OPCML: variants seen among roughly 807,000 people sequenced by gnomAD.
The protein encoded by OPCML is opioid binding protein/cell adhesion molecule like.
A neutral mutation model predicts 37.8 loss-of-function variants in OPCML; 13 were observed. The observed-to-expected ratio is 0.34, with a 90% CI of 0.22 to 0.55. The LOEUF is 0.55. OPCML is among the 20% of genes least tolerant of loss of function. The probability of loss-of-function intolerance (pLI) is 0.91; values close to 1 mark genes in which losing one functional copy is unlikely to be tolerated. For missense variants in OPCML, 341 were observed against 435.6 expected (o/e 0.78, Z 1.93); for synonymous variants, 176 against 168.8 (o/e 1.04, Z -0.33).
intron 2 of OPCML, among the ~76,000 whole-genome samples, chr11:132,817,766 CA>C (rs1409277811): frequency 8.0e-4 from 114 of 143,012 alleles, no homozygotes; most frequent in East Asian, 1.0e-3. Flanking sequence ...CCTCCCCCGC[CA>C]AAAAAAAAAT....
intron 2 of OPCML, among the ~76,000 whole-genome samples, chr11:132,763,350 T>C (rs1365605725): frequency 2.0e-5 from 3 of 152,194 alleles, no homozygotes; most frequent in Non-Finnish European, 4.4e-5. Context: ...GTAATAGTAC[T>C]AATTATACAT....
At chr11:132,880,006 G>C (rs1194821426) in intron 2 of OPCML, among the ~76,000 whole-genome samples, 1 of 152,116 alleles carries the variant, frequency 6.6e-6, no homozygotes, top group East Asian at 1.9e-4. Context: ...CAGCCCCAGA[G>C]GTGTAATCGG....
chr11:133,241,775 T>C (rs1412665692), intron 1 of OPCML, among the ~76,000 whole-genome samples: 1 of 152,220 alleles, frequency 6.6e-6, no homozygotes. Flanking sequence ...TCATCTCCCA[T>C]GGTTCACCAC....
At chr11:133,488,929 T>G (rs1233822320) in intron 1 of OPCML, among the ~76,000 whole-genome samples, 1 of 109,146 alleles carries the variant, frequency 9.2e-6, no homozygotes, top group African/African-American at 3.6e-5. Context: ...AAAAGCCATG[T>G]ACCTGCAACC....
intron 4 of OPCML, among the ~76,000 whole-genome samples, chr11:132,483,871 A>G (rs1459210400): frequency 6.6e-6 from 1 of 151,970 alleles, no homozygotes; most frequent in Admixed American, 6.6e-5. Context: ...CATATGTAGA[A>G]AGCTGAAACT....
At chr11:132,851,220 C>A (rs1372807200) in intron 2 of OPCML, among the ~76,000 whole-genome samples, 1 of 152,144 alleles carries the variant, frequency 6.6e-6, no homozygotes, top group Non-Finnish European at 1.5e-5. Context: ...ACATTTCTTC[C>A]AATTTGTGTT....
At chr11:132,473,444 C>A (rs57942994) in intron 4 of OPCML, among the ~76,000 whole-genome samples, 1,741 of 152,256 alleles carry the variant, frequency 0.011, 24 homozygotes, top group African/African-American at 0.037. Flanking sequence ...GTCAAGGATC[C>A]ATTTCCCTCC....
At chr11:133,200,073 G>A (rs1416956642) in intron 1 of OPCML, among the ~76,000 whole-genome samples, 2 of 152,046 alleles carry the variant, frequency 1.3e-5, no homozygotes, top group South Asian at 2.1e-4. Context: ...GCTCAAATGA[G>A]CACCATTTCC....
At chr11:132,588,574 C>A (rs1211223153) in intron 3 of OPCML, among the ~76,000 whole-genome samples, 1 of 152,162 alleles carries the variant, frequency 6.6e-6, no homozygotes, top group Non-Finnish European at 1.5e-5. Flanking sequence ...AGCTCTGCTC[C>A]AGCCCCTTCT....
intron 1 of OPCML, among the ~76,000 whole-genome samples, chr11:133,263,094 G>A (rs929531772): frequency 6.6e-6 from 1 of 151,876 alleles, no homozygotes; most frequent in African/African-American, 2.4e-5. Flanking sequence ...TTGGACTGTG[G>A]CTCGGACATT....
intron 1 of OPCML, among the ~76,000 whole-genome samples, chr11:133,202,282 G>A (rs1480565412): frequency 2.0e-5 from 3 of 152,116 alleles, no homozygotes; most frequent in African/African-American, 4.8e-5. Context: ...CTACCTGTCC[G>A]CCGAACCCAT....
intron 1 of OPCML, among the ~76,000 whole-genome samples, chr11:133,443,851 G>A (rs189980484): frequency 6.6e-6 from 1 of 152,204 alleles, no homozygotes; most frequent in African/African-American, 2.4e-5. Context: ...GCTGACTCCT[G>A]TAATCCCAGA....
At chr11:133,431,864 C>T (rs1025761744) in intron 1 of OPCML, among the ~76,000 whole-genome samples, 1 of 149,448 alleles carries the variant, frequency 6.7e-6, no homozygotes, top group Non-Finnish European at 1.5e-5. Flanking sequence ...TATGGTTTTG[C>T]AACTTACTTT....
intron 1 of OPCML, among the ~76,000 whole-genome samples, chr11:133,531,882 G>GT (rs1948612831): frequency 6.6e-6 from 1 of 152,070 alleles, no homozygotes; most frequent in African/African-American, 2.4e-5. Context: ...CACCCTGCAG[G>GT]TCCCAACATA....
At chr11:132,608,327 C>T (rs985648302) in intron 3 of OPCML, among the ~76,000 whole-genome samples, 12 of 152,164 alleles carry the variant, frequency 7.9e-5, no homozygotes, top group African/African-American at 2.9e-4. Flanking sequence ...ACACTCTGCT[C>T]AGAGACACAA....
At chr11:132,863,102 C>G (rs957301288) in intron 2 of OPCML, among the ~76,000 whole-genome samples, 1 of 152,142 alleles carries the variant, frequency 6.6e-6, no homozygotes, top group Non-Finnish European at 1.5e-5. Context: ...CACCATGTAT[C>G]AGACCCTTCC....
At chr11:133,394,812 G>C (rs1015968522) in intron 1 of OPCML, among the ~76,000 whole-genome samples, 1 of 152,120 alleles carries the variant, frequency 6.6e-6, no homozygotes, top group African/African-American at 2.4e-5. Context: ...CTTGACTATT[G>C]TGAACAGTGC....
At chr11:132,573,363 TATG>T (rs2096442888) in intron 3 of OPCML, among the ~76,000 whole-genome samples, 1 of 152,016 alleles carries the variant, frequency 6.6e-6, no homozygotes, top group Non-Finnish European at 1.5e-5. Flanking sequence ...CACCATTATA[TATG>T]ATGTTAGCTG....
chr11:133,035,725 G>C (rs1457854756), intron 1 of OPCML, among the ~76,000 whole-genome samples: 1 of 152,118 alleles, frequency 6.6e-6, no homozygotes, highest in Admixed American at 6.6e-5. Context: ...GAGGTGATTA[G>C]GTTAAGGTGT....
Sources: allele counts gnomAD v4.1 joint callset (sites outside exome capture counted in the v4.1 genomes callset), GRCh38; gene constraint gnomAD v4.1.1; transcripts MANE v1.5; gene names NCBI Gene and HGNC (gene_info 2026-07-23, HGNC 2026-07-21).